Variants in ABCC2 observed in about 807,000 individuals in gnomAD.
ABCC2 encodes ATP-binding cassette sub-family C member 2.
Under a neutral mutation model 173.4 loss-of-function variants are expected in ABCC2, and 157 were observed. That is an observed-to-expected ratio of 0.91 (90% confidence interval 0.80 to 1.03). ABCC2 has a LOEUF of 1.03. Among genes scored for constraint, ABCC2 ranks in the 50% least tolerant of loss-of-function variants. The probability of loss-of-function intolerance (pLI) is 0.00; values close to 1 mark genes in which losing one functional copy is unlikely to be tolerated. For synonymous variants in ABCC2, 657 were observed against 693.5 expected (o/e 0.95, Z 0.83); for missense variants, 1,822 against 1,852.3 (o/e 0.98, Z 0.30).
chr10:99,845,644 A>G lies in ABCC2; in HGVS notation c.4008A>G (p.Thr1336=). The G allele has an allele frequency of 1.2e-6, 2 of 1,614,150 alleles. No homozygotes were observed. The highest frequency in any genetic ancestry group is 1.7e-6 in the Non-Finnish European group (2 of 1,180,026). ...CGCAGATTGGTGTGGTGGGCAGGAC[A>G]GGAGCTGGAAAGTCATCCCTCACAA... ...SMEKIGVVGR[T]GAGKSSLTNC... is the part of the protein sequence containing the mutation. The change falls in exon 29 of 32, where the codon ACA becomes ACG. Residue 1336 remains threonine (T), a synonymous_variant. Transcript: ENST00000647814.
intron 23 of ABCC2, 52 bp from the exon 24 acceptor site, chr10:99,834,328 C>G: frequency 6.3e-7 from 1 of 1,576,370 alleles, no homozygotes; most frequent in South Asian, 1.1e-5. Flanking sequence ...AAGATGTAAA[C>G]TATCTTAGGA....
At chr10:99,814,730 T>TATATACACATACACACAC in intron 16 of ABCC2, among the ~76,000 whole-genome samples, 1 of 143,320 alleles carries the variant, frequency 7.0e-6, no homozygotes, top group South Asian at 2.3e-4. Flanking sequence ...CACATATGTG[T>TATATACACATACACACAC]GTGTATGTGT....
chr10:99,799,061 AG>A (rs2037967546), intron 7 of ABCC2, 145 bp from the exon 8 acceptor site: 1 of 810,838 alleles, frequency 1.2e-6, no homozygotes, highest in East Asian at 2.4e-5. Flanking sequence ...GAAGGCAGCT[AG>A]AAGGGCAGAA....
chr10:99,792,771 C>T (rs940974728), intron 3 of ABCC2, among the ~76,000 whole-genome samples: 10 of 152,164 alleles, frequency 6.6e-5, no homozygotes, highest in Admixed American at 6.5e-4. Context: ...AAACTAATGT[C>T]TCTCTTGCAG....
intron 19 of ABCC2, among the ~76,000 whole-genome samples, chr10:99,820,014 ATCAG>A (rs2038505020): frequency 6.6e-6 from 1 of 152,178 alleles, no homozygotes; most frequent in African/African-American, 2.4e-5. Flanking sequence ...CATTCCAGAA[ATCAG>A]TCAGATGAGG....
chr10:99,845,473 T>C (rs2039003170), intron 28 of ABCC2, 151 bp from the exon 29 acceptor site: 1 of 923,600 alleles, frequency 1.1e-6, no homozygotes, highest in East Asian at 2.5e-5. Flanking sequence ...GGGTACTTTT[T>C]TCCTCACCAA....
In ABCC2 at chr10:99,808,092, G is replaced by C. The variant is rs916426669; in HGVS notation, c.1678G>C (p.Val560Leu). The change falls in exon 13 of 32, where the codon GTC becomes CTC. Residue 560 changes from valine to leucine, a missense_variant. By Grantham distance (32) the Val-to-Leu change is conservative (BLOSUM62 1). Coordinates refer to ENST00000647814, the MANE Select transcript of ABCC2 (RefSeq NM_000392.5). ...ACCTTGCCCTTTCCAGGTATCTGTG[G>C]TCACATTTTCTGTTTATGTCCTGGT... ...FQLTPVLVSV[V>L]TFSVYVLVDS... 4.3e-6 allele frequency: 7 copies of C among 1,614,028 alleles called. No homozygotes were observed. In the Admixed American group the frequency reaches 1.2e-4, roughly 27 times the overall value.
rs746963565 is a variant in ABCC2, at chr10:99,805,435, T to C, written c.1518T>C (p.Leu506=). The C allele has an allele frequency of 2.5e-6, 4 of 1,613,940 alleles. No homozygotes were observed. Among genetic ancestry groups the C allele is most frequent in the Non-Finnish European group, 3.4e-6 (4 of 1,179,880 alleles). ...GTTTAAAGATCATGAATGAGATTCT[T>C]AGTGGAATCAAGGTGAGAATCTGAG... ...DKRLKIMNEI[L]SGIKILKYFA... is the part of the protein sequence containing the mutation. Residue 506 remains leucine, a synonymous_variant, in exon 11 of 32, where the codon CTT becomes CTC. Coordinates refer to ENST00000647814, the MANE Select transcript of ABCC2 (RefSeq NM_000392.5).
chr10:99,784,795 C>A lies in ABCC2; in HGVS notation c.207+14C>A. The A allele has an allele frequency of 6.2e-7, 1 of 1,613,362 alleles. No individual in the cohort carries two copies. The highest frequency in any genetic ancestry group is 1.1e-5 in the South Asian group (1 of 91,046). The stretch of plus-strand genomic sequence containing the variant: ...CTTGCTAAGCAGGTAAAGTTAACAC[C>A]ACTGTTTCTGAACTCTAATTCCTTG... On this transcript the variant is annotated intron_variant, in intron 2 of 31. Transcript: ENST00000647814.
In ABCC2 at chr10:99,793,970, G is replaced by C. The variant is rs2132974418; in HGVS notation, c.547G>C (p.Ala183Pro). Residue 183 changes from alanine to proline, a missense_variant, in exon 5 of 32, where the codon GCA (alanine) becomes CCA (proline). By Grantham distance (27) the Ala-to-Pro change is conservative. Coordinates refer to ENST00000647814, the MANE Select transcript of ABCC2 (RefSeq NM_000392.5). ...CCAGATCCTGATCCTGATCTTTTCAGCATTTTCAGAAAATAATGAGTCATC... is the reference window on the plus strand; with the variant it reads ...CCAGATCCTGATCCTGATCTTTTCACCATTTTCAGAAAATAATGAGTCATC... Reference protein sequence around the residue: ...GFQILILIFSAFSENNESSNN... With the variant: ...GFQILILIFSPFSENNESSNN... The C allele has an allele frequency of 6.2e-7, 1 of 1,612,564 alleles. No homozygotes were observed.
Position 99,817,362 on chromosome 10 carries a change from G to C in ABCC2, c.2149G>C (p.Asp717His). ...QSWIQNGTIK[D>H]NILFGTEFNE... ...CTGGATTCAGAATGGCACCATAAAG[G>C]ACAACATCCTTTTTGGAACAGAGTT... The change falls in exon 17 of 32, where the codon GAC becomes CAC. Residue 717 changes from aspartate to histidine, a missense_variant. Transcript: ENST00000647814. 1.2e-6 allele frequency: 2 copies of C among 1,614,124 alleles called. No homozygotes were observed. Among genetic ancestry groups the C allele is most frequent in the South Asian group, 2.2e-5 (2 of 91,086 alleles).
At chr10:99,795,674 G>C (rs2037888641) in intron 6 of ABCC2, among the ~76,000 whole-genome samples, 2 of 150,986 alleles carry the variant, frequency 1.3e-5, no homozygotes, top group Non-Finnish European at 2.9e-5. Context: ...ACTCCAGTCT[G>C]GGCGACAAGA....
intron 2 of ABCC2, among the ~76,000 whole-genome samples, 194 bp from the exon 3 acceptor site, chr10:99,792,040 A>G (rs368697334): frequency 7.9e-5 from 12 of 152,256 alleles, no homozygotes; most frequent in African/African-American, 2.9e-4. Context: ...GCATTCCTCA[A>G]AAACAATGAT....
chr10:99,847,748 G>A (rs374689275), intron 30 of ABCC2, among the ~76,000 whole-genome samples: 25 of 151,986 alleles, frequency 1.6e-4, no homozygotes, highest in Admixed American at 1.6e-3. Flanking sequence ...GTGAAACCCC[G>A]TCTCACTAAA....
Position 99,834,485 on chromosome 10 carries a change from G to A in ABCC2, c.3364G>A (p.Val1122Ile), listed in dbSNP as rs773666110. ...TGTCATGATCTGCATGGCCACTCCT[G>A]TCTTCACCATCATCGTCATTCCTCT... ...TLVMICMATP[V>I]FTIIVIPLGI... The change falls in exon 24 of 32, where the codon GTC becomes ATC. Residue 1122 changes from valine (V) to isoleucine (I), a missense_variant. Val to Ile is a conservative substitution (Grantham distance 29). Transcript: ENST00000647814. The A allele has an allele frequency of 6.2e-7, 1 of 1,614,176 alleles. No homozygotes were observed. Among genetic ancestry groups the A allele is most frequent in the Non-Finnish European group, 8.5e-7 (1 of 1,180,026 alleles).
At chr10:99,850,492 T>C in intron 30 of ABCC2, 110 bp from the exon 31 acceptor site, 1 of 1,083,840 alleles carries the variant, frequency 9.2e-7, no homozygotes. Context: ...CAGGGGAATT[T>C]TGGAGGGGGG....
At chr10:99,791,250 A>G (rs2037806985) in intron 2 of ABCC2, among the ~76,000 whole-genome samples, 1 of 152,148 alleles carries the variant, frequency 6.6e-6, no homozygotes, top group African/African-American at 2.4e-5. Flanking sequence ...TCTACTAAAA[A>G]TACAAAAATT....
chr10:99,851,281 A>G (rs1169053082), intron 31 of ABCC2, among the ~76,000 whole-genome samples: 2 of 152,242 alleles, frequency 1.3e-5, no homozygotes, highest in African/African-American at 4.8e-5. Context: ...AAACTCATGT[A>G]AATGGACTCA....
intron 30 of ABCC2, among the ~76,000 whole-genome samples, chr10:99,849,889 A>G (rs940044520): frequency 6.6e-6 from 1 of 152,220 alleles, no homozygotes; most frequent in Non-Finnish European, 1.5e-5. Context: ...TCATTTCCCA[A>G]AGCTTCTTTA....
Sources: gnomAD v4.1 joint callset for allele counts (sites outside exome capture counted in the v4.1 genomes callset) on GRCh38, gnomAD v4.1.1 for gene constraint, MANE v1.5 for transcripts, NCBI Gene and HGNC (gene_info 2026-07-23, HGNC 2026-07-21) for gene names.